Variants in VCL observed in about 807,000 individuals in gnomAD.
VCL encodes the protein vinculin, also known as epididymis luminal protein 114.
In VCL, 47 loss-of-function variants were observed where a neutral mutation model predicts 125.7. The observed-to-expected ratio is 0.37, with a 90% CI of 0.30 to 0.48. The LOEUF (loss-of-function observed/expected upper bound fraction) is 0.48. VCL is among the 20% of genes least tolerant of loss of function. The pLI is 0.99. For synonymous variants in VCL, 458 were observed against 514.6 expected (o/e 0.89, Z 1.49); for missense variants, 1,069 against 1,455.5 (o/e 0.73, Z 4.32).
chr10:74,074,057 G>A (rs367858593), intron 5 of VCL, among the ~76,000 whole-genome samples: 2 of 139,918 alleles, frequency 1.4e-5, no homozygotes, highest in African/African-American at 3.3e-5. Context: ...GCAAAACCCC[G>A]TCTCTACTAA....
At chr10:74,081,127 T>C (rs1158098696) in intron 6 of VCL, among the ~76,000 whole-genome samples, 1 of 151,524 alleles carries the variant, frequency 6.6e-6, no homozygotes, top group Non-Finnish European at 1.5e-5. Flanking sequence ...TTGTTTTCAA[T>C]TTTTTTGGTA....
At chr10:74,015,447 G>A (rs1166116014) in intron 1 of VCL, among the ~76,000 whole-genome samples, 2 of 152,060 alleles carry the variant, frequency 1.3e-5, no homozygotes, top group South Asian at 2.1e-4. Context: ...CCAGCTACTC[G>A]GGAGACTGAG....
At chr10:74,077,182 A>G (rs1302547992) in intron 6 of VCL, 4 of 152,680 alleles carry the variant, frequency 2.6e-5, no homozygotes, top group Admixed American at 2.0e-4. Context: ...ACTCAAGTAC[A>G]CGATGACATC....
intron 2 of VCL, among the ~76,000 whole-genome samples, chr10:74,043,664 T>G (rs983829314): frequency 9.9e-5 from 15 of 152,068 alleles, no homozygotes; most frequent in Non-Finnish European, 2.1e-4. Context: ...GACATAATAA[T>G]TTTTAATAAG....
chr10:74,084,875 G>T (rs1839744008), intron 8 of VCL, among the ~76,000 whole-genome samples: 1 of 151,912 alleles, frequency 6.6e-6, no homozygotes, highest in African/African-American at 2.4e-5. Context: ...GCCTCCCAAA[G>T]TGCTGGGATT....
chr10:74,092,780 C>T (rs370831006), intron 10 of VCL, among the ~76,000 whole-genome samples: 5 of 152,218 alleles, frequency 3.3e-5, no homozygotes, highest in South Asian at 4.2e-4. Context: ...TTGACCCCAC[C>T]GCAGACATAC....
Position 74,094,136 on chromosome 10 carries a change from A to G in VCL, c.1353-135A>G, listed in dbSNP as rs955344181. On this transcript the variant is annotated intron_variant, in intron 10 of 21. Transcript: ENST00000211998. Reference sequence around the variant, plus strand: ...TTCTTATGTAAGGGCCAAATAAATAAACCACTCCTTTCAAACCAAATTAAT... The same window carrying G: ...TTCTTATGTAAGGGCCAAATAAATAGACCACTCCTTTCAAACCAAATTAAT... The G allele has an allele frequency of 3.9e-6, 4 of 1,037,668 alleles. No individual in the cohort carries two copies. In the African/African-American group the frequency reaches 6.5e-5, roughly 17 times the overall value. The allele number at this position is 1,037,668 out of a possible 1,614,324, so 64.3% of individuals were successfully genotyped here.
At chr10:74,090,221 G>A (rs772888865) in intron 10 of VCL, 23 bp downstream of exon 10, 1 of 1,613,084 alleles carries the variant, frequency 6.2e-7, no homozygotes, top group South Asian at 1.1e-5. Flanking sequence ...CCCTTACATT[G>A]CCTTTTCATA....
intron 18 of VCL, 95 bp from the exon 19 acceptor site, chr10:74,111,814 C>A: frequency 6.8e-7 from 1 of 1,479,906 alleles, no homozygotes; most frequent in Non-Finnish European, 9.3e-7. Flanking sequence ...CCTAGGCAGG[C>A]TTTGGTTACT....
chr10:74,052,634 A>G (rs1228130338), intron 2 of VCL, among the ~76,000 whole-genome samples: 1 of 151,952 alleles, frequency 6.6e-6, no homozygotes, highest in Non-Finnish European at 1.5e-5. Flanking sequence ...ACCTTGGCCT[A>G]CCAAAGTGCT....
At chr10:74,069,055 T>C (rs1841618857) in intron 2 of VCL, among the ~76,000 whole-genome samples, 3 of 151,692 alleles carry the variant, frequency 2.0e-5, no homozygotes, top group African/African-American at 7.3e-5. Flanking sequence ...TTTTTTTTTG[T>C]TTGTTTGTTC....
At chr10:74,005,783 G>A (rs1013902802) in intron 1 of VCL, among the ~76,000 whole-genome samples, 1 of 152,086 alleles carries the variant, frequency 6.6e-6, no homozygotes, top group African/African-American at 2.4e-5. Flanking sequence ...GTCATCTCTA[G>A]ATTACTTATA....
At position 74,111,539 on chromosome 10, in the gene VCL, C is replaced by T. The variant is rs192963370; in HGVS notation, c.2746-370C>T. Among the ~76,000 whole-genome samples the T allele has an allele frequency of 2.6e-5, 4 of 152,296 alleles. No individual in the cohort carries two copies. The East Asian group carries it at 7.7e-4, about 29-fold the overall frequency. Reference sequence around the variant, plus strand: ...CCTTTTAAAGGTAATTTGCTACTATCGTTTGGTTGTTTGGCTCCTCAGAAA... The same window carrying T: ...CCTTTTAAAGGTAATTTGCTACTATTGTTTGGTTGTTTGGCTCCTCAGAAA... On this transcript the variant is annotated intron_variant, in intron 18 of 21. Transcript: ENST00000211998.
At chr10:74,113,963 T>G (rs1840270777) in intron 19 of VCL, among the ~76,000 whole-genome samples, 1 of 152,082 alleles carries the variant, frequency 6.6e-6, no homozygotes, top group Admixed American at 6.6e-5. Flanking sequence ...TCCTCTCTCT[T>G]TGTTTCTCAC....
intron 1 of VCL, among the ~76,000 whole-genome samples, chr10:73,998,958 T>TTTA (rs1318047878): frequency 6.6e-6 from 1 of 152,160 alleles, no homozygotes; most frequent in East Asian, 1.9e-4. Context: ...ATTCCGCCCT[T>TTTA]TTATTCACTT....
At chr10:74,099,614 A>G (rs565922609) in intron 13 of VCL, among the ~76,000 whole-genome samples, 6 of 152,174 alleles carry the variant, frequency 3.9e-5, no homozygotes, top group African/African-American at 7.2e-5. Context: ...GGCACATAGT[A>G]GGTGCTCAGT....
At position 74,035,777 on chromosome 10, in the gene VCL, C is replaced by T. The variant is rs1253336134; in HGVS notation, c.169-7306C>T. ...AGTTGGCTCTCTGTATCTGTGGGTTCCACACTTCTGCATTTAGCCAACTGC... is the reference window on the plus strand; with the variant it reads ...AGTTGGCTCTCTGTATCTGTGGGTTTCACACTTCTGCATTTAGCCAACTGC... On this transcript the variant is annotated intron_variant, in intron 1 of 21. Coordinates refer to ENST00000211998, the MANE Select transcript of VCL (RefSeq NM_014000.3). 3.3e-5 allele frequency among the ~76,000 whole-genome samples: 5 copies of T among 152,290 alleles called. No individual in the cohort carries two copies. The South Asian group carries it at 1.0e-3, about 32-fold the overall frequency.
intron 17 of VCL, among the ~76,000 whole-genome samples, chr10:74,107,884 A>C (rs1490851115): frequency 2.0e-5 from 3 of 152,092 alleles, no homozygotes; most frequent in Admixed American, 2.0e-4. Flanking sequence ...CTGTGAATAT[A>C]TTTTTACATG....
intron 2 of VCL, among the ~76,000 whole-genome samples, chr10:74,065,073 C>T (rs1841545395): frequency 6.6e-6 from 1 of 151,048 alleles, no homozygotes; most frequent in Non-Finnish European, 1.5e-5. Context: ...AAACAATCCT[C>T]AGTTTTATTA....
Sources: allele counts gnomAD v4.1 joint callset (sites outside exome capture counted in the v4.1 genomes callset), GRCh38; gene constraint gnomAD v4.1.1; transcripts MANE v1.5; gene names NCBI Gene and HGNC (gene_info 2026-07-23, HGNC 2026-07-21).